LOC400499: variants seen among roughly 807,000 people sequenced by gnomAD.
At chr16:11,525,609 C>T in the LOC400499 span, among the ~76,000 whole-genome samples, 1 of 152,120 alleles carries the variant, frequency 6.6e-6, no homozygotes, top group Non-Finnish European at 1.5e-5. Flanking sequence ...ATTACGTTCT[C>T]GATTGTGCAC....
the LOC400499 span, among the ~76,000 whole-genome samples, chr16:11,379,046 C>T: frequency 6.6e-6 from 1 of 152,170 alleles, no homozygotes; most frequent in Non-Finnish European, 1.5e-5. Flanking sequence ...GGTGGATCAC[C>T]TGAGGTCAGG....
the LOC400499 span, chr16:11,449,200 C>G: frequency 1.8e-6 from 2 of 1,121,926 alleles, no homozygotes; most frequent in East Asian, 2.7e-5. Flanking sequence ...TTGGTGAACT[C>G]CTCTTCATCC....
chr16:11,459,918 G>C, the LOC400499 span: 4 of 1,472,208 alleles, frequency 2.7e-6, no homozygotes, highest in Non-Finnish European at 3.6e-6. Context: ...ATTGCTCAGG[G>C]CGGGCCCCGA....
At chr16:11,460,962 A>G in the LOC400499 span, 1 of 1,532,104 alleles carries the variant, frequency 6.5e-7, no homozygotes, top group African/African-American at 1.4e-5. Flanking sequence ...GCAGTGCCTT[A>G]CCCAGGAGGC....
At chr16:11,377,955 A>C in the LOC400499 span, among the ~76,000 whole-genome samples, 3 of 152,162 alleles carry the variant, frequency 2.0e-5, no homozygotes, top group Admixed American at 1.3e-4. Flanking sequence ...TCTCTGATTC[A>C]ATCTCCTTGG....
chr16:11,467,057 A>T, the LOC400499 span: 490 of 154,464 alleles, frequency 3.2e-3, 1 homozygote, highest in Middle Eastern at 0.016. Context: ...GGTTCAAGTG[A>T]TTCTTCTGCC....
the LOC400499 span, among the ~76,000 whole-genome samples, chr16:11,374,458 A>G: frequency 2.0e-5 from 3 of 152,204 alleles, no homozygotes; most frequent in Non-Finnish European, 4.4e-5. Flanking sequence ...TGCCAAACTG[A>G]AACTTTATCC....
chr16:11,502,905 C>T, the LOC400499 span, among the ~76,000 whole-genome samples: 3 of 138,190 alleles, frequency 2.2e-5, no homozygotes, highest in Admixed American at 2.4e-4. Context: ...TGAGCCACCA[C>T]ACCTGGACCA....
At chr16:11,438,598 C>G in the LOC400499 span, among the ~76,000 whole-genome samples, 4 of 133,322 alleles carry the variant, frequency 3.0e-5, no homozygotes, top group South Asian at 2.4e-4. Context: ...TAGCGAGACC[C>G]TGTCTCTGCA....
At chr16:11,492,141 G>C in the LOC400499 span, among the ~76,000 whole-genome samples, 246 of 152,282 alleles carry the variant, frequency 1.6e-3, no homozygotes, top group African/African-American at 5.7e-3. Flanking sequence ...ACAGCATAGT[G>C]TCTCGCCACA....
chr16:11,438,446 T>A, the LOC400499 span, among the ~76,000 whole-genome samples: 3 of 151,720 alleles, frequency 2.0e-5, no homozygotes, highest in African/African-American at 7.3e-5. Flanking sequence ...TAAAACCCAA[T>A]ACACAGGGAA....
At chr16:11,378,836 G>A in the LOC400499 span, among the ~76,000 whole-genome samples, 4 of 152,268 alleles carry the variant, frequency 2.6e-5, no homozygotes, top group East Asian at 1.9e-4. Flanking sequence ...AACATTCCAC[G>A]TGTACTTTTG....
the LOC400499 span, chr16:11,446,581 T>A: frequency 6.5e-7 from 1 of 1,536,094 alleles, no homozygotes; most frequent in South Asian, 1.2e-5. Context: ...CAGGCACCCC[T>A]CTGTGTTCCT....
At chr16:11,412,274 T>C in the LOC400499 span, among the ~76,000 whole-genome samples, 5 of 152,302 alleles carry the variant, frequency 3.3e-5, no homozygotes, top group East Asian at 9.6e-4. Context: ...GCCTTCACAG[T>C]CGTGGGTGTG....
the LOC400499 span, among the ~76,000 whole-genome samples, chr16:11,496,901 T>C: frequency 2.7e-5 from 3 of 111,254 alleles, no homozygotes; most frequent in Admixed American, 2.3e-4. Flanking sequence ...TGTGTGTGTG[T>C]GTGTGTGTGT....
chr16:11,396,398 G>C, the LOC400499 span: 3 of 1,012,080 alleles, frequency 3.0e-6, no homozygotes, highest in Non-Finnish European at 1.3e-6. Flanking sequence ...TCCTCAGATA[G>C]CCACTAGATG....
chr16:11,394,959 A>G, the LOC400499 span, among the ~76,000 whole-genome samples: 1 of 152,256 alleles, frequency 6.6e-6, no homozygotes, highest in African/African-American at 2.4e-5. Flanking sequence ...AGTCCTAGGA[A>G]TCGAATGCAG....
At chr16:11,487,588 C>T in the LOC400499 span, among the ~76,000 whole-genome samples, 1 of 152,272 alleles carries the variant, frequency 6.6e-6, no homozygotes, top group South Asian at 2.1e-4. Flanking sequence ...CCCACTTCTG[C>T]TGACAGGCAG....
At chr16:11,383,328 A>C in the LOC400499 span, among the ~76,000 whole-genome samples, 5 of 152,192 alleles carry the variant, frequency 3.3e-5, no homozygotes, top group South Asian at 1.0e-3. Context: ...CAGCCTCCCA[A>C]AGTGCTGGGA....
Sources: gnomAD v4.1 joint callset for allele counts (sites outside exome capture counted in the v4.1 genomes callset) on GRCh38, gnomAD v4.1.1 for gene constraint, MANE v1.5 for transcripts.